MAML2: variants seen among roughly 807,000 people sequenced by gnomAD.
MAML2 encodes the protein mastermind-like protein 2.
MAML2 carries 22 observed loss-of-function variants against 96.1 expected under a neutral mutation model. That is an observed-to-expected ratio of 0.23 (90% confidence interval 0.16 to 0.33). The LOEUF (loss-of-function observed/expected upper bound fraction) is 0.33, where lower values mean the gene tolerates loss of function less well. Among genes scored for constraint, MAML2 ranks in the 10% least tolerant of loss-of-function variants. MAML2 has a pLI of 1.00. For missense variants in MAML2, 1,367 were observed against 1,392.4 expected (o/e 0.98, Z 0.29); for synonymous variants, 561 against 521.3 (o/e 1.08, Z -1.04).
At chr11:96,148,346 A>G (rs1162294250) in intron 1 of MAML2, among the ~76,000 whole-genome samples, 2 of 152,152 alleles carry the variant, frequency 1.3e-5, no homozygotes, top group African/African-American at 4.8e-5. Context: ...TGCAGCTCTG[A>G]AAGTCTCTTA....
intron 2 of MAML2, among the ~76,000 whole-genome samples, chr11:96,000,938 T>C (rs1858069745): frequency 6.6e-6 from 1 of 152,142 alleles, no homozygotes. Flanking sequence ...AGGTCAAGCT[T>C]GAAAAAACAG....
chr11:96,146,660 T>A (rs1204582533), intron 1 of MAML2, among the ~76,000 whole-genome samples: 1 of 152,160 alleles, frequency 6.6e-6, no homozygotes, highest in Admixed American at 6.5e-5. Flanking sequence ...ACTCAGTAAA[T>A]GGCAGCATCA....
intron 2 of MAML2, among the ~76,000 whole-genome samples, chr11:96,013,673 C>T (rs962282511): frequency 6.6e-6 from 1 of 152,208 alleles, no homozygotes; most frequent in Non-Finnish European, 1.5e-5. Context: ...GAGGAGCACA[C>T]GCACAAGCAC....
chr11:96,118,043 T>C (rs1017126162), intron 1 of MAML2, among the ~76,000 whole-genome samples: 1 of 152,206 alleles, frequency 6.6e-6, no homozygotes, highest in Non-Finnish European at 1.5e-5. Context: ...GACACTGGGC[T>C]TGGGTCATGG....
chr11:96,084,380 A>T (rs1171668954), intron 2 of MAML2, among the ~76,000 whole-genome samples: 1 of 152,156 alleles, frequency 6.6e-6, no homozygotes, highest in African/African-American at 2.4e-5. Context: ...GGAAGGAGGC[A>T]GGCCAGTTAG....
At position 96,227,794 on chromosome 11, in the gene MAML2, C is replaced by T. The variant is rs545748592; in HGVS notation, c.513+113589G>A. 3.3e-5 allele frequency among the ~76,000 whole-genome samples: 5 copies of T among 152,292 alleles called. No individual in the cohort carries two copies. In the South Asian group the frequency reaches 6.2e-4, roughly 19 times the overall value. On this transcript the variant is annotated intron_variant, in intron 1 of 4. Coordinates refer to ENST00000524717, the MANE Select transcript of MAML2 (RefSeq NM_032427.4). Reference sequence around the variant, plus strand: ...GCTGTTATTATTTATGTCTCTGTCGCCATCGAATGAAATCATTACAAACTC... The same window carrying T: ...GCTGTTATTATTTATGTCTCTGTCGTCATCGAATGAAATCATTACAAACTC...
intron 2 of MAML2, among the ~76,000 whole-genome samples, chr11:96,084,963 C>A (rs1020470738): frequency 6.6e-6 from 1 of 152,220 alleles, no homozygotes; most frequent in African/African-American, 2.4e-5. Context: ...TCAACCACCC[C>A]TGTTCTTTCA....
intron 1 of MAML2, among the ~76,000 whole-genome samples, chr11:96,096,549 C>T (rs1026094680): frequency 6.6e-6 from 1 of 152,206 alleles, no homozygotes; most frequent in Admixed American, 6.5e-5. Context: ...TCAAACCACA[C>T]ATTCCCACTG....
chr11:96,171,071 T>C (rs1463595292), intron 1 of MAML2, among the ~76,000 whole-genome samples: 1 of 152,046 alleles, frequency 6.6e-6, no homozygotes, highest in Non-Finnish European at 1.5e-5. Flanking sequence ...AGTTGAGCCC[T>C]GGGTTCCCAC....
chr11:96,011,888 T>G (rs1175645895), intron 2 of MAML2, among the ~76,000 whole-genome samples: 1 of 152,254 alleles, frequency 6.6e-6, no homozygotes, highest in Non-Finnish European at 1.5e-5. Context: ...TAATATTTTA[T>G]TTATAGAAGT....
intron 1 of MAML2, among the ~76,000 whole-genome samples, chr11:96,137,253 A>T (rs1220202675): frequency 6.6e-6 from 1 of 152,226 alleles, no homozygotes; most frequent in Non-Finnish European, 1.5e-5. Context: ...TGGAAACCGA[A>T]TTCAAATTAC....
intron 1 of MAML2, among the ~76,000 whole-genome samples, chr11:96,185,844 G>T (rs554254457): frequency 6.6e-6 from 1 of 152,222 alleles, no homozygotes; most frequent in Admixed American, 6.5e-5. Flanking sequence ...TTGATAGCCT[G>T]CATCTATTTT....
intron 1 of MAML2, among the ~76,000 whole-genome samples, chr11:96,301,680 T>C (rs1863389261): frequency 6.6e-6 from 1 of 152,262 alleles, no homozygotes; most frequent in South Asian, 2.1e-4. Context: ...TCTAAATTAA[T>C]TTAAAATATA....
intron 1 of MAML2, among the ~76,000 whole-genome samples, chr11:96,169,659 C>CTTTTTTTTTTTTTTTTTTTTTT (rs5793784): frequency 6.9e-6 from 1 of 144,896 alleles, no homozygotes; most frequent in Non-Finnish European, 1.5e-5. Flanking sequence ...AGAAAGTAAA[C>CTTTTTTTTTTTTTTTTTTTTTT]TTTTTTTTTT....
chr11:96,248,027 G>A (rs533737147), intron 1 of MAML2, among the ~76,000 whole-genome samples: 1 of 151,704 alleles, frequency 6.6e-6, no homozygotes, highest in East Asian at 1.9e-4. Flanking sequence ...CCCATTAATG[G>A]TTTTATATTC....
At chr11:95,998,741 A>T (rs1565185160) in intron 2 of MAML2, among the ~76,000 whole-genome samples, 1 of 152,196 alleles carries the variant, frequency 6.6e-6, no homozygotes, top group Non-Finnish European at 1.5e-5. Flanking sequence ...GTATATGATG[A>T]CCGAATCTTT....
chr11:95,982,178 G>T (rs559447977), intron 4 of MAML2, among the ~76,000 whole-genome samples: 24 of 152,292 alleles, frequency 1.6e-4, no homozygotes, highest in Admixed American at 1.3e-4. Flanking sequence ...CTAGAATAAT[G>T]ATTCTGACCC....
chr11:96,003,259 T>G (rs1022859922), intron 2 of MAML2, among the ~76,000 whole-genome samples: 2 of 152,082 alleles, frequency 1.3e-5, no homozygotes, highest in African/African-American at 2.4e-5. Flanking sequence ...GAAGGCACAC[T>G]GATGGAATAA....
intron 2 of MAML2, among the ~76,000 whole-genome samples, chr11:96,066,450 G>C (rs1009536344): frequency 6.6e-6 from 1 of 152,136 alleles, no homozygotes; most frequent in African/African-American, 2.4e-5. Context: ...GGACACAGAG[G>C]ATGAATAAAA....
Sources: gnomAD v4.1 joint callset for allele counts (sites outside exome capture counted in the v4.1 genomes callset) on GRCh38, gnomAD v4.1.1 for gene constraint, MANE v1.5 for transcripts, NCBI Gene and HGNC (gene_info 2026-07-23, HGNC 2026-07-21) for gene names.